Variants in CIBAR2 observed in about 807,000 individuals in gnomAD.
The protein encoded by CIBAR2 is CBY1-interacting BAR domain-containing protein 2.
CIBAR2 carries 38 observed loss-of-function variants against 36.2 expected under a neutral mutation model. The ratio of observed to expected loss-of-function variants is 1.05; its 90% CI spans 0.81 to 1.38. The LOEUF is 1.38. Among genes scored for constraint, CIBAR2 ranks in the 40% most tolerant of loss-of-function variants. CIBAR2 has a pLI of 0.00. For missense variants in CIBAR2, 481 were observed against 383.4 expected, an observed-to-expected ratio of 1.25 and a Z score of -2.13; for synonymous variants, 182 against 149.5, an observed-to-expected ratio of 1.22 and a Z score of -1.58.
rs1216765150 is a variant in CIBAR2, at chr16:85,101,818, C to G, written c.651+396G>C. Among the ~76,000 whole-genome samples, 6 of 152,134 alleles carry G rather than the reference C, an allele frequency of 3.9e-5. No individual in the cohort carries two copies. In the East Asian group the frequency reaches 1.2e-3, roughly 29 times the overall value. On this transcript the variant is annotated intron_variant, in intron 7 of 8. Transcript: ENST00000539556. ...CCGAGTAGCTGGGATTGCAGGTGCCCACCACCACGCCTGGCTAATTTTGTA... is the reference window on the plus strand; with the variant it reads ...CCGAGTAGCTGGGATTGCAGGTGCCGACCACCACGCCTGGCTAATTTTGTA...
intron 1 of CIBAR2, 146 bp downstream of exon 1, chr16:85,112,187 G>A (rs2144183790): frequency 2.8e-6 from 2 of 709,236 alleles, no homozygotes; most frequent in South Asian, 1.6e-5. Context: ...GGATGGAGGT[G>A]GAGGCACCGT....
intron 5 of CIBAR2, among the ~76,000 whole-genome samples, chr16:85,105,767 G>A (rs574323451): frequency 2.6e-5 from 4 of 152,180 alleles, no homozygotes; most frequent in East Asian, 3.9e-4. Flanking sequence ...CACCTGCTGA[G>A]CCCTTAGGAC....
chr16:85,098,466 C>T lies in CIBAR2; in HGVS notation c.*719G>A. Reference sequence around the variant, plus strand: ...TGGCCCTGTTGTACAGATGAGGAAACTGAGGCTCAGAGGACACGTGGCTTG... The same window carrying T: ...TGGCCCTGTTGTACAGATGAGGAAATTGAGGCTCAGAGGACACGTGGCTTG... On this transcript the variant is annotated 3_prime_UTR_variant, in exon 9 of 9. Transcript: ENST00000539556. 7.4e-6 allele frequency: 7 copies of T among 940,406 alleles called. No homozygotes were observed. The highest frequency in any genetic ancestry group is 8.9e-6 in the Non-Finnish European group (7 of 788,522). 58.3% of individuals were successfully genotyped at this position (940,406 alleles called of 1,614,324 possible). A position where few individuals can be genotyped will look rare whatever the true frequency, so the allele number is the denominator to read the frequency against.
At chr16:85,099,978 C>T (rs1444350273) in intron 8 of CIBAR2, among the ~76,000 whole-genome samples, 161 bp downstream of exon 8, 1 of 151,856 alleles carries the variant, frequency 6.6e-6, no homozygotes, top group African/African-American at 2.4e-5. Flanking sequence ...GGTCAGACCC[C>T]CGGGCAGCCC....
rs61740642 is a variant in CIBAR2 at position 85,102,232 on chromosome 16, G to A, written c.633C>T (p.Asp211=). The stretch of plus-strand genomic sequence containing the variant: ...GACTCACCAGTAGATCCCTCTCCAG[G>A]TCATACTTCTCCAGGGTCTGGAAGG... The part of the protein sequence containing the change: ...SSAFQTLEKY[D]LERDLLDFRA... The change falls in exon 7 of 9, where the codon GAC becomes GAT. Residue 211 remains aspartate (D), a synonymous_variant. Transcript: ENST00000539556. 110 of 1,601,810 alleles carry A rather than the reference G, an allele frequency of 6.9e-5. 3 individuals are homozygous for A. In the South Asian group the frequency reaches 1.2e-3, roughly 17 times the overall value.
At position 85,099,245 on chromosome 16, in the gene CIBAR2, C is replaced by T; in HGVS notation, c.855G>A (p.Gln285=). The part of the protein sequence containing the change: ...FSLCEWVVKG[Q]PAHCVCGQGG... ...CCTGCCCACACACACAGTGGGCTGG[C>T]TGCCCCTTAACCACCCACTCACAGA... Residue 285 remains glutamine (Q), a synonymous_variant, in exon 9 of 9, where the codon CAG becomes CAA. Transcript: ENST00000539556. 1 of 1,612,062 alleles carries T rather than the reference C, an allele frequency of 6.2e-7. No homozygotes were observed.
At position 85,098,513 on chromosome 16, in the gene CIBAR2, C is replaced by T. The variant is rs2073928167; in HGVS notation, c.*672G>A. On this transcript the variant is annotated 3_prime_UTR_variant, in exon 9 of 9. Coordinates refer to ENST00000539556, the MANE Select transcript of CIBAR2 (RefSeq NM_198491.3). ...CTTGCCTGAGGGCACACAGCAGAGC[C>T]CACCTGAGGATCCAAGGCCAGCTAA... 1.6e-5 allele frequency: 16 copies of T among 986,088 alleles called. No homozygotes were observed. Among genetic ancestry groups the T allele is most frequent in the Non-Finnish European group, 1.8e-5 (15 of 830,236 alleles). The allele number at this position is 986,088 out of a possible 1,614,324, so 61.1% of individuals were successfully genotyped here. A position where few individuals can be genotyped will look rare whatever the true frequency, so the allele number is the denominator to read the frequency against.
chr16:85,107,807 G>A (rs1325632319), intron 4 of CIBAR2, 39 bp downstream of exon 4: 1 of 1,588,248 alleles, frequency 6.3e-7, no homozygotes, highest in Non-Finnish European at 8.6e-7. Flanking sequence ...TGGACACCCT[G>A]GCCCGGCAGC....
In CIBAR2 at chr16:85,112,336, G is replaced by C. The variant is rs1398773167; in HGVS notation, c.17C>G (p.Ser6Cys). 4.3e-6 allele frequency: 7 copies of C among 1,613,936 alleles called. No individual in the cohort carries two copies. The highest frequency in any genetic ancestry group is 2.7e-5 in the African/African-American group (2 of 74,932). The change falls in exon 1 of 9, where the codon TCC (serine) becomes TGC (cysteine). Residue 6 changes from serine to cysteine, a missense_variant. Coordinates refer to ENST00000539556, the MANE Select transcript of CIBAR2 (RefSeq NM_198491.3). ...AGGCTGGCGCTGGCCCACTCACCTG[G>C]AGAAGACGATGTTCATTGTGACCAG... Reference protein sequence around the residue: MNIVFSRDSQVRVMEN... With the variant: MNIVFCRDSQVRVMEN...
chr16:85,112,400 C>T lies in CIBAR2; in HGVS notation c.-48G>A. 6.3e-7 allele frequency: 1 copy of T among 1,592,698 alleles called. No individual in the cohort carries two copies. The highest frequency in any genetic ancestry group is 8.6e-7 in the Non-Finnish European group (1 of 1,160,882). On this transcript the variant is annotated 5_prime_UTR_variant, in exon 1 of 9. Transcript: ENST00000539556. ...CCGGTGCTGGGGAATAAGGACAGGGCCCCAGGGGTCCTGCAGGCCTGGGAG... is the reference window on the plus strand; with the variant it reads ...CCGGTGCTGGGGAATAAGGACAGGGTCCCAGGGGTCCTGCAGGCCTGGGAG...
intron 7 of CIBAR2, among the ~76,000 whole-genome samples, chr16:85,101,489 A>G (rs2073954907): frequency 6.6e-6 from 1 of 152,116 alleles, no homozygotes; most frequent in South Asian, 2.1e-4. Flanking sequence ...AAGAATCATG[A>G]TAACTGATTG....
Position 85,106,759 on chromosome 16 carries a change from G to A in CIBAR2, c.432+908C>T, listed in dbSNP as rs914907926. 2.6e-5 allele frequency among the ~76,000 whole-genome samples: 4 copies of A among 152,200 alleles called. No individual in the cohort carries two copies. In the East Asian group the frequency reaches 7.7e-4, roughly 29 times the overall value. ...GTCCGTCGTCATTTTTCACAACAGTGGGAAGAACTTAACACTTTCTAGCAG... is the reference window on the plus strand; with the variant it reads ...GTCCGTCGTCATTTTTCACAACAGTAGGAAGAACTTAACACTTTCTAGCAG... On this transcript the variant is annotated intron_variant, in intron 5 of 8. Coordinates refer to ENST00000539556, the MANE Select transcript of CIBAR2 (RefSeq NM_198491.3).
chr16:85,107,132 G>T (rs548453043), intron 5 of CIBAR2, among the ~76,000 whole-genome samples: 107 of 151,714 alleles, frequency 7.1e-4, no homozygotes, highest in Non-Finnish European at 1.4e-3. Context: ...AGGCAACAGA[G>T]CGAGACTTTG....
chr16:85,102,394 G>A, intron 6 of CIBAR2, 67 bp from the exon 7 acceptor site: 1 of 945,386 alleles, frequency 1.1e-6, no homozygotes. Flanking sequence ...AGCCTGGGAT[G>A]CAGGCAGATG....
At chr16:85,099,587 C>T (rs1333872273) in intron 8 of CIBAR2, among the ~76,000 whole-genome samples, 1 of 151,782 alleles carries the variant, frequency 6.6e-6, no homozygotes, top group East Asian at 1.9e-4. Flanking sequence ...GACCGTGTGG[C>T]CTACCACACT....
chr16:85,110,431 G>A lies in CIBAR2; in HGVS notation c.50C>T (p.Thr17Ile), dbSNP rs1236458713. The change falls in exon 2 of 9, where the codon ACC (threonine) becomes ATC (isoleucine). Residue 17 changes from threonine to isoleucine, a missense_variant. Coordinates refer to ENST00000539556, the MANE Select transcript of CIBAR2 (RefSeq NM_198491.3). Reference protein sequence around the residue: ...RDSQVRVMENTVANTEKYFGQ... With the variant: ...RDSQVRVMENIVANTEKYFGQ... The stretch of plus-strand genomic sequence containing the variant: ...AAAGTACTTCTCGGTGTTGGCCACG[G>A]TATTCTCCATCACCCTCACCTGGCT... The A allele has an allele frequency of 6.2e-7, 1 of 1,609,266 alleles. No individual in the cohort carries two copies. Among genetic ancestry groups the A allele is most frequent in the Non-Finnish European group, 8.5e-7 (1 of 1,177,300 alleles).
At chr16:85,110,081 T>G in intron 2 of CIBAR2, 145 bp downstream of exon 2, 1 of 595,326 alleles carries the variant, frequency 1.7e-6, no homozygotes, top group Non-Finnish European at 2.9e-6. Flanking sequence ...CTGGAAAGGG[T>G]GTAAATGTCC....
At position 85,099,025 on chromosome 16, in the gene CIBAR2, T is replaced by C. The variant is rs924762755; in HGVS notation, c.*160A>G. 6.2e-6 allele frequency: 5 copies of C among 808,490 alleles called. No individual in the cohort carries two copies. The highest frequency in any genetic ancestry group is 3.6e-5 in the African/African-American group (2 of 55,238). The allele number at this position is 808,490 out of a possible 1,614,324, so 50.1% of individuals were successfully genotyped here. ...GCTCTGGAAAGTCTCAGCAACAGAATTGAACAAGTAGAAGAAGGAAATTCA... is the reference window on the plus strand; with the variant it reads ...GCTCTGGAAAGTCTCAGCAACAGAACTGAACAAGTAGAAGAAGGAAATTCA... On this transcript the variant is annotated 3_prime_UTR_variant, in exon 9 of 9. Transcript: ENST00000539556.
intron 8 of CIBAR2, 31 bp from the exon 9 acceptor site, chr16:85,099,377 G>A: frequency 2.5e-6 from 3 of 1,205,130 alleles, no homozygotes; most frequent in Non-Finnish European, 3.7e-6. Context: ...CTGATGGCAG[G>A]CCTTCCTGGG....
Sources: gnomAD v4.1 joint callset for allele counts (sites outside exome capture counted in the v4.1 genomes callset) on GRCh38, gnomAD v4.1.1 for gene constraint, MANE v1.5 for transcripts, NCBI Gene and HGNC (gene_info 2026-07-23, HGNC 2026-07-21) for gene names.